PRKN: variants seen among roughly 807,000 people sequenced by gnomAD.
PRKN encodes E3 ubiquitin-protein ligase parkin.
In PRKN, 56 loss-of-function variants were observed where a neutral mutation model predicts 59.5. The observed-to-expected ratio is 0.94, with a 90% CI of 0.76 to 1.18. The LOEUF is 1.18. PRKN is among the 50% of genes most tolerant of loss of function. PRKN has a pLI of 0.00. For synonymous variants in PRKN, 250 were observed against 222.1 expected, an observed-to-expected ratio of 1.13 and a Z score of -1.12; for missense variants, 657 against 596.4, an observed-to-expected ratio of 1.10 and a Z score of -1.06.
Position 161,569,354 on chromosome 6 carries a change from C to T in PRKN, c.933+1G>A. 1 of 1,612,782 alleles carries T rather than the reference C, an allele frequency of 6.2e-7. No individual in the cohort carries two copies. The highest frequency in any genetic ancestry group is 8.5e-7 in the Non-Finnish European group (1 of 1,178,772). On this transcript the variant is annotated splice_donor_variant, in intron 8 of 11. Coordinates refer to ENST00000366898, the MANE Select transcript of PRKN (RefSeq NM_004562.3). LOFTEE classifies it high-confidence loss of function. ...ATGCAGCCTTTGAGATGCTCACTCACCTGCTCTTCTCCCAGAATCCTGAAG... is the reference window on the plus strand; with the variant it reads ...ATGCAGCCTTTGAGATGCTCACTCATCTGCTCTTCTCCCAGAATCCTGAAG...
rs1789991049 is a variant in PRKN, at chr6:161,456,811, C to G, written c.1084-69934G>C. Among the ~76,000 whole-genome samples the G allele has an allele frequency of 6.6e-6, 1 of 152,198 alleles. No individual in the cohort carries two copies. Among genetic ancestry groups the G allele is most frequent in the African/African-American group, 2.4e-5 (1 of 41,444 alleles). On this transcript the variant is annotated intron_variant, in intron 9 of 11. Transcript: ENST00000366898. The surrounding 1 kb of genome is among the most constrained non-coding windows in gnomAD (Gnocchi z 4.8). ...ACCCTTCCTCTTCCTCTTCCACCCACATGCCCAGAGAGCTCAGGGCTTCCT... is the reference window on the plus strand; with the variant it reads ...ACCCTTCCTCTTCCTCTTCCACCCAGATGCCCAGAGAGCTCAGGGCTTCCT...
chr6:161,508,190 C>CA (rs765942301), intron 9 of PRKN, among the ~76,000 whole-genome samples: 2 of 152,066 alleles, frequency 1.3e-5, no homozygotes, highest in African/African-American at 2.4e-5. Context: ...AATTCAATAG[C>CA]AAAAAAATGT....
At chr6:162,430,021 T>G (rs1789432472) in intron 2 of PRKN, among the ~76,000 whole-genome samples, 1 of 152,158 alleles carries the variant, frequency 6.6e-6, no homozygotes, top group Non-Finnish European at 1.5e-5. Context: ...AAAATATTCC[T>G]TCCTTTTAAA....
chr6:161,815,421 G>A (rs1381537653), intron 6 of PRKN, among the ~76,000 whole-genome samples: 1 of 152,094 alleles, frequency 6.6e-6, no homozygotes. Flanking sequence ...TACTTAGCAG[G>A]GGACTTTTTG....
chr6:161,718,123 G>T (rs1211300037), intron 7 of PRKN, among the ~76,000 whole-genome samples: 1 of 152,148 alleles, frequency 6.6e-6, no homozygotes, highest in African/African-American at 2.4e-5. Flanking sequence ...TTTCAAGATG[G>T]TCTTTTTTCA....
intron 4 of PRKN, among the ~76,000 whole-genome samples, chr6:162,061,970 T>G (rs1042848277): frequency 3.3e-5 from 5 of 152,150 alleles, no homozygotes; most frequent in Non-Finnish European, 7.4e-5. Flanking sequence ...TTGGTGCAAA[T>G]GGAAAATAGT....
intron 5 of PRKN, among the ~76,000 whole-genome samples, chr6:161,993,293 A>C (rs149016561): frequency 6.6e-6 from 1 of 152,320 alleles, no homozygotes; most frequent in East Asian, 1.9e-4. Flanking sequence ...ACAGAAATAC[A>C]AAGAATCATT....
At chr6:162,453,199 T>G (rs1183643148) in intron 1 of PRKN, among the ~76,000 whole-genome samples, 2 of 152,092 alleles carry the variant, frequency 1.3e-5, no homozygotes, top group Non-Finnish European at 2.9e-5. Context: ...CCTACCCTCC[T>G]CAGGGAGTAA....
At chr6:162,188,325 A>C (rs1279046307) in intron 4 of PRKN, among the ~76,000 whole-genome samples, 1 of 151,976 alleles carries the variant, frequency 6.6e-6, no homozygotes, top group African/African-American at 2.4e-5. Context: ...ACTATGACCA[A>C]CCCTGGTGAT....
chr6:161,640,453 G>A (rs1267562438), intron 7 of PRKN, among the ~76,000 whole-genome samples: 1 of 152,100 alleles, frequency 6.6e-6, no homozygotes, highest in African/African-American at 2.4e-5. Context: ...TAGCTGTGTC[G>A]CACAGACAGA....
chr6:162,115,557 A>G (rs992326103), intron 4 of PRKN, among the ~76,000 whole-genome samples: 11 of 151,030 alleles, frequency 7.3e-5, no homozygotes, highest in East Asian at 1.9e-4. Flanking sequence ...TTCCAAAGAA[A>G]AAAAAAAAAA....
chr6:161,478,076 A>C (rs1791200649), intron 9 of PRKN, among the ~76,000 whole-genome samples: 1 of 152,250 alleles, frequency 6.6e-6, no homozygotes, highest in Non-Finnish European at 1.5e-5. Context: ...CAATATACAC[A>C]GGCAGATTAA....
Position 161,619,439 on chromosome 6 carries a change from C to T in PRKN, c.872-50023G>A, listed in dbSNP as rs370328700. Reference sequence around the variant, plus strand: ...TCAATAGGTCTATCAATAATTGTTACACTATAAACTTTTCATATGATAAAA... The same window carrying T: ...TCAATAGGTCTATCAATAATTGTTATACTATAAACTTTTCATATGATAAAA... On this transcript the variant is annotated intron_variant, in intron 7 of 11. Transcript: ENST00000366898. 1.4e-4 allele frequency among the ~76,000 whole-genome samples: 21 copies of T among 150,904 alleles called. No individual in the cohort carries two copies. The South Asian group carries it at 3.6e-3, about 26-fold the overall frequency.
intron 6 of PRKN, among the ~76,000 whole-genome samples, chr6:161,932,627 A>G (rs977110276): frequency 6.6e-6 from 1 of 152,176 alleles, no homozygotes; most frequent in Admixed American, 6.5e-5. Context: ...TTGCAAAGCG[A>G]AAAAAGGATG....
chr6:161,465,079 C>T (rs1790398390), intron 9 of PRKN, among the ~76,000 whole-genome samples: 1 of 152,228 alleles, frequency 6.6e-6, no homozygotes, highest in Non-Finnish European at 1.5e-5. Flanking sequence ...ACTCTTGCAG[C>T]TTGGAGTATG....
rs1012360731 is a variant in PRKN at position 161,409,437 on chromosome 6, G to A, written c.1084-22560C>T. ...CAAATGGCACACAAAAACGCAGTGT[G>A]CTGACACTAATACATAAAATGCGGA... On this transcript the variant is annotated intron_variant, in intron 9 of 11. Coordinates refer to ENST00000366898, the MANE Select transcript of PRKN (RefSeq NM_004562.3). The surrounding 1 kb of genome is among the most constrained non-coding windows in gnomAD (Gnocchi z 4.6). Among the ~76,000 whole-genome samples, 3 of 152,148 alleles carry A rather than the reference G, an allele frequency of 2.0e-5. No individual in the cohort carries two copies. Among genetic ancestry groups the A allele is most frequent in the Non-Finnish European group, 2.9e-5 (2 of 68,044 alleles).
At chr6:162,288,759 A>G (rs1285029123) in intron 2 of PRKN, among the ~76,000 whole-genome samples, 1 of 152,216 alleles carries the variant, frequency 6.6e-6, no homozygotes, top group African/African-American at 2.4e-5. Context: ...CTACCATGAT[A>G]CCATTTATAA....
At chr6:161,906,299 T>G (rs1035487076) in intron 6 of PRKN, among the ~76,000 whole-genome samples, 6 of 152,224 alleles carry the variant, frequency 3.9e-5, no homozygotes, top group Admixed American at 6.5e-5. Context: ...GTGTCTTAAC[T>G]CGTTTACACA....
intron 9 of PRKN, among the ~76,000 whole-genome samples, chr6:161,495,046 A>C (rs1388955994): frequency 6.6e-6 from 1 of 152,266 alleles, no homozygotes; most frequent in Non-Finnish European, 1.5e-5. Flanking sequence ...AAGCAAAAAG[A>C]AGCAGGTGAA....
Sources: allele counts gnomAD v4.1 joint callset (sites outside exome capture counted in the v4.1 genomes callset), GRCh38; gene constraint gnomAD v4.1.1; non-coding constraint Gnocchi (gnomAD v3.1); transcripts MANE v1.5; gene names NCBI Gene and HGNC (gene_info 2026-07-23, HGNC 2026-07-21).